The following CADM2 variants were observed in gnomAD, a reference collection of about 807,000 sequenced individuals.
CADM2 encodes immunoglobulin superfamily member 4D.
CADM2 carries 12 observed loss-of-function variants against 49.8 expected under a neutral mutation model. That is an observed-to-expected ratio of 0.24 (90% confidence interval 0.15 to 0.39). CADM2 has a LOEUF of 0.39. Among genes scored for constraint, CADM2 ranks in the 10% least tolerant of loss-of-function variants. The pLI is 1.00. For missense variants in CADM2, 378 were observed against 492.3 expected (o/e 0.77, Z 2.20); for synonymous variants, 214 against 175.4 (o/e 1.22, Z -1.74).
intron 1 of CADM2, among the ~76,000 whole-genome samples, chr3:85,540,845 T>A (rs542047010): frequency 5.9e-5 from 9 of 152,258 alleles, no homozygotes; most frequent in African/African-American, 2.2e-4. Context: ...TCCTGAAGCC[T>A]CTCCCTAAGG....
intron 1 of CADM2, among the ~76,000 whole-genome samples, chr3:84,994,323 C>T (rs760976601): frequency 1.1e-4 from 17 of 151,934 alleles, no homozygotes; most frequent in Non-Finnish European, 1.6e-4. Context: ...GTATGTGTTA[C>T]GATAAGAGTA....
intron 1 of CADM2, among the ~76,000 whole-genome samples, chr3:85,613,434 G>A (rs943841058): frequency 6.6e-6 from 1 of 151,380 alleles, no homozygotes; most frequent in African/African-American, 2.4e-5. Flanking sequence ...GAACCAATTC[G>A]TTGCAAAAAC....
chr3:85,423,833 T>C (rs913224750), intron 1 of CADM2, among the ~76,000 whole-genome samples: 11 of 152,214 alleles, frequency 7.2e-5, no homozygotes, highest in African/African-American at 2.7e-4. Context: ...CATTTACTCG[T>C]GTCTACTTAA....
intron 1 of CADM2, among the ~76,000 whole-genome samples, chr3:85,219,523 C>A (rs1347705931): frequency 6.3e-4 from 95 of 151,940 alleles, no homozygotes; most frequent in Non-Finnish European, 2.1e-4. Context: ...ATATAAAAAC[C>A]CTGGTATCTT....
intron 1 of CADM2, among the ~76,000 whole-genome samples, chr3:84,960,993 T>C (rs559970441): frequency 2.0e-5 from 3 of 152,246 alleles, no homozygotes; most frequent in Admixed American, 2.0e-4. Flanking sequence ...TGATAGAATA[T>C]TTTTTAAGCT....
At chr3:85,118,972 C>T (rs969615157) in intron 1 of CADM2, among the ~76,000 whole-genome samples, 8 of 152,180 alleles carry the variant, frequency 5.3e-5, no homozygotes, top group African/African-American at 1.9e-4. Context: ...TGGTCTCGAA[C>T]TCCCAACCTC....
chr3:85,884,112 C>T (rs1014704348), intron 4 of CADM2, among the ~76,000 whole-genome samples: 21 of 152,116 alleles, frequency 1.4e-4, no homozygotes, highest in African/African-American at 4.1e-4. Context: ...ATAGAGATTC[C>T]GAGGAAATAA....
At chr3:85,490,241 G>T (rs2039615529) in intron 1 of CADM2, among the ~76,000 whole-genome samples, 2 of 152,170 alleles carry the variant, frequency 1.3e-5, no homozygotes, top group East Asian at 1.9e-4. Flanking sequence ...ATAGAAGCAA[G>T]ATTACACACC....
intron 3 of CADM2, among the ~76,000 whole-genome samples, chr3:85,811,524 A>C (rs1444620966): frequency 2.6e-5 from 4 of 152,190 alleles, no homozygotes; most frequent in Non-Finnish European, 5.9e-5. Context: ...AGCCTATTTC[A>C]TGTTGAATAG....
intron 1 of CADM2, among the ~76,000 whole-genome samples, chr3:85,362,996 G>A (rs1379369055): frequency 1.3e-5 from 2 of 152,078 alleles, no homozygotes; most frequent in Non-Finnish European, 2.9e-5. Flanking sequence ...TGCTGACATG[G>A]TGTCATGGAT....
intron 1 of CADM2, among the ~76,000 whole-genome samples, chr3:85,677,301 G>T (rs2065913054): frequency 6.6e-6 from 1 of 152,020 alleles, no homozygotes; most frequent in South Asian, 2.1e-4. Context: ...AATTACTTAT[G>T]CCAAGTTTAT....
At chr3:85,821,933 G>A (rs1245454710) in intron 3 of CADM2, among the ~76,000 whole-genome samples, 1 of 152,070 alleles carries the variant, frequency 6.6e-6, no homozygotes, top group Non-Finnish European at 1.5e-5. Context: ...GAATAATATA[G>A]ATAATTATTA....
intron 8 of CADM2, among the ~76,000 whole-genome samples, chr3:85,976,126 C>T (rs536976296): frequency 2.2e-4 from 34 of 151,550 alleles, no homozygotes; most frequent in African/African-American, 4.8e-4. Flanking sequence ...AATTTCTCTG[C>T]GTATGAATTA....
intron 8 of CADM2, among the ~76,000 whole-genome samples, chr3:86,063,973 A>G (rs562743893): frequency 2.6e-5 from 4 of 152,200 alleles, no homozygotes; most frequent in Non-Finnish European, 5.9e-5. Context: ...CCTTCTATAA[A>G]GAGCTAATTT....
intron 1 of CADM2, among the ~76,000 whole-genome samples, chr3:85,622,526 T>G: frequency 6.6e-6 from 1 of 152,002 alleles, no homozygotes; most frequent in East Asian, 1.9e-4. Flanking sequence ...CTCCTTTTCA[T>G]TCACTCTACA....
intron 8 of CADM2, among the ~76,000 whole-genome samples, chr3:86,016,969 T>C (rs1428550969): frequency 6.6e-6 from 1 of 151,936 alleles, no homozygotes; most frequent in African/African-American, 2.4e-5. Context: ...AAAAACAAAA[T>C]TTCATTTGTT....
intron 1 of CADM2, among the ~76,000 whole-genome samples, chr3:85,721,489 A>C (rs2067501405): frequency 6.6e-6 from 1 of 151,972 alleles, no homozygotes; most frequent in South Asian, 2.1e-4. Flanking sequence ...GCCAAGGGCG[A>C]GTGAGGTGTG....
At chr3:85,904,355 A>G (rs1169250671) in intron 5 of CADM2, among the ~76,000 whole-genome samples, 1 of 152,156 alleles carries the variant, frequency 6.6e-6, no homozygotes, top group Non-Finnish European at 1.5e-5. Flanking sequence ...TTTGCAACCA[A>G]GAGTAATAAT....
chr3:85,218,720 C>T (rs897184782), intron 1 of CADM2, among the ~76,000 whole-genome samples: 2 of 152,228 alleles, frequency 1.3e-5, no homozygotes, highest in South Asian at 2.1e-4. Flanking sequence ...CACTTGAACT[C>T]GGGAGGCAGA....
Sources: gnomAD v4.1 joint callset for allele counts (sites outside exome capture counted in the v4.1 genomes callset) on GRCh38, gnomAD v4.1.1 for gene constraint, MANE v1.5 for transcripts, NCBI Gene and HGNC (gene_info 2026-07-23, HGNC 2026-07-21) for gene names.